The following MMD variants were observed in gnomAD, a reference collection of about 807,000 sequenced individuals.
MMD encodes the protein monocyte to macrophage differentiation factor.
In MMD, 22 loss-of-function variants were observed where a neutral mutation model predicts 33.6. That is an observed-to-expected ratio of 0.66 (90% CI 0.47 to 0.94). MMD has a LOEUF of 0.94. Ranked by LOEUF, MMD falls within the 40% of genes least tolerant of loss-of-function variation. The probability of loss-of-function intolerance (pLI) is 0.00; values close to 1 mark genes in which losing one functional copy is unlikely to be tolerated. For missense variants in MMD, 242 were observed against 309.8 expected (o/e 0.78, Z 1.64); for synonymous variants, 97 against 103.2 (o/e 0.94, Z 0.36).
At chr17:55,406,369 T>G (rs933464080) in intron 4 of MMD, among the ~76,000 whole-genome samples, 4 of 151,782 alleles carry the variant, frequency 2.6e-5, no homozygotes. Flanking sequence ...ACCCCAGGCT[T>G]GGTGACAGAG....
chr17:55,403,630 G>A (rs1213921245), intron 5 of MMD, 137 bp downstream of exon 5: 4 of 569,062 alleles, frequency 7.0e-6, no homozygotes, highest in South Asian at 2.8e-5. Context: ...TGGTTTTGAA[G>A]ATTTATTAAA....
At position 55,421,823 on chromosome 17, in the gene MMD, G is replaced by T; in HGVS notation, c.-128C>A. On this transcript the variant is annotated 5_prime_UTR_variant, in exon 1 of 7. Transcript: ENST00000262065. ...GTGTCCAGCGGAACCCTTCGGCCGG[G>T]TAGGGTCGGAGTGGGCCAGGCCGGG... 8.9e-7 allele frequency: 1 copy of T among 1,128,884 alleles called. No homozygotes were observed. Among genetic ancestry groups the T allele is most frequent in the Non-Finnish European group, 1.2e-6 (1 of 839,202 alleles). The allele number at this position is 1,128,884 out of a possible 1,614,324, so 69.9% of individuals were successfully genotyped here.
chr17:55,421,473 G>A (rs1273801479), intron 1 of MMD, among the ~76,000 whole-genome samples, 197 bp downstream of exon 1: 1 of 152,228 alleles, frequency 6.6e-6, no homozygotes, highest in Non-Finnish European at 1.5e-5. Flanking sequence ...GGGTGAGGCA[G>A]GAGCTCCCAT....
chr17:55,412,511 T>C (rs1240506085), intron 2 of MMD, among the ~76,000 whole-genome samples: 1 of 152,226 alleles, frequency 6.6e-6, no homozygotes, highest in Non-Finnish European at 1.5e-5. Context: ...CATCTTACAA[T>C]GACAGAAGCT....
At chr17:55,416,496 C>G (rs578141196) in intron 1 of MMD, among the ~76,000 whole-genome samples, 2 of 152,178 alleles carry the variant, frequency 1.3e-5, no homozygotes, top group Non-Finnish European at 2.9e-5. Context: ...ATAAGGGTAA[C>G]TATCCTGGAA....
At chr17:55,397,905 C>A (rs1352031329) in intron 6 of MMD, among the ~76,000 whole-genome samples, 2 of 151,966 alleles carry the variant, frequency 1.3e-5, no homozygotes, top group African/African-American at 4.8e-5. Context: ...GATAAAATGT[C>A]AGTGGTCATC....
chr17:55,414,549 C>T (rs558960759), intron 1 of MMD, among the ~76,000 whole-genome samples: 1 of 126,920 alleles, frequency 7.9e-6, no homozygotes, highest in East Asian at 2.2e-4. Context: ...GAACCCTCCT[C>T]CTCCATTCAC....
chr17:55,404,248 G>C (rs1055351838), intron 4 of MMD, among the ~76,000 whole-genome samples: 1 of 152,040 alleles, frequency 6.6e-6, no homozygotes. Context: ...CAAGTTGCTC[G>C]GGAGGCTGAG....
chr17:55,421,290 C>T (rs1908175383), intron 1 of MMD, among the ~76,000 whole-genome samples: 1 of 152,230 alleles, frequency 6.6e-6, no homozygotes, highest in African/African-American at 2.4e-5. Context: ...TCGGAGGACT[C>T]GGGGGCGGTG....
chr17:55,401,149 G>A (rs988463832), intron 6 of MMD, among the ~76,000 whole-genome samples: 1 of 152,034 alleles, frequency 6.6e-6, no homozygotes, highest in African/African-American at 2.4e-5. Flanking sequence ...CGAGTTGCTG[G>A]CACACTTCAT....
intron 3 of MMD, 112 bp from the exon 4 acceptor site, chr17:55,407,932 T>C: frequency 1.5e-6 from 1 of 681,978 alleles, no homozygotes; most frequent in South Asian, 2.3e-5. Flanking sequence ...TCATGGCCTT[T>C]ACACTTGTTC....
intron 1 of MMD, among the ~76,000 whole-genome samples, chr17:55,417,633 A>C (rs4793792): frequency 0.72 from 109,886 of 151,822 alleles, 40,354 homozygotes; most frequent in East Asian, 0.86. Context: ...TCTACACACA[A>C]AAAAAAATGT....
chr17:55,401,855 C>A (rs1907342096), intron 5 of MMD, among the ~76,000 whole-genome samples: 1 of 152,110 alleles, frequency 6.6e-6, no homozygotes, highest in South Asian at 2.1e-4. Flanking sequence ...GGGCGGATCA[C>A]GAGGTCAGGA....
In MMD at chr17:55,394,352, G is replaced by C. The variant is rs1388445469; in HGVS notation, c.699C>G (p.Asp233Glu). The C allele has an allele frequency of 7.2e-7, 1 of 1,397,460 alleles. No homozygotes were observed. The highest frequency in any genetic ancestry group is 9.3e-7 in the Non-Finnish European group (1 of 1,070,582). The allele number at this position is 1,397,460 out of a possible 1,614,324, so 86.6% of individuals were successfully genotyped here. Residue 233 changes from aspartate (D) to glutamate (E), a missense_variant, in exon 7 of 7, where the codon GAC becomes GAG. Transcript: ENST00000262065. ...IWKYLYRSPT[D>E]FMRHL ...AGATTGGTCATAAATGCCGCATAAA[G>C]TCCGTAGGACTTCGGTAAAGGTATT...
intron 4 of MMD, chr17:55,404,920 G>A (rs2143134355): frequency 5.0e-6 from 1 of 200,464 alleles, no homozygotes; most frequent in South Asian, 1.7e-4. Flanking sequence ...AAGTTAGCTG[G>A]GCATGGTGGT....
chr17:55,417,662 G>A (rs1015275798), intron 1 of MMD, among the ~76,000 whole-genome samples: 2 of 152,152 alleles, frequency 1.3e-5, no homozygotes, highest in African/African-American at 4.8e-5. Context: ...GCCAGGTGTG[G>A]TAGTGTATGC....
At chr17:55,408,002 T>C (rs1907621612) in intron 3 of MMD, among the ~76,000 whole-genome samples, 182 bp from the exon 4 acceptor site, 1 of 152,222 alleles carries the variant, frequency 6.6e-6, no homozygotes, top group Non-Finnish European at 1.5e-5. Flanking sequence ...GTAAAAGCTT[T>C]CTGTTATTTT....
chr17:55,418,001 C>T (rs1430007902), intron 1 of MMD, among the ~76,000 whole-genome samples: 1 of 152,212 alleles, frequency 6.6e-6, no homozygotes, highest in Non-Finnish European at 1.5e-5. Context: ...GCTATACCAC[C>T]TCCTTTCTGC....
chr17:55,403,926 A>C, intron 4 of MMD, 58 bp from the exon 5 acceptor site: 2 of 1,327,752 alleles, frequency 1.5e-6, no homozygotes, highest in Non-Finnish European at 2.1e-6. Context: ...GAATTCATAG[A>C]ACCTGTGTCA....
Sources: gnomAD v4.1 joint callset for allele counts (sites outside exome capture counted in the v4.1 genomes callset) on GRCh38, gnomAD v4.1.1 for gene constraint, MANE v1.5 for transcripts, NCBI Gene and HGNC (gene_info 2026-07-23, HGNC 2026-07-21) for gene names.